The following NELL1 variants were observed in gnomAD, a reference collection of about 807,000 sequenced individuals.
NELL1 encodes the protein neural EGFL like 1.
In NELL1, 76 loss-of-function variants were observed where a neutral mutation model predicts 107.4. The ratio of observed to expected loss-of-function variants is 0.71; its 90% CI spans 0.59 to 0.86. The LOEUF is 0.86. Ranked by LOEUF, NELL1 falls within the 40% of genes least tolerant of loss-of-function variation. NELL1 has a pLI of 0.00. For synonymous variants in NELL1, 353 were observed against 341.2 expected, an observed-to-expected ratio of 1.03 and a Z score of -0.38; for missense variants, 1,024 against 1,005.5, an observed-to-expected ratio of 1.02 and a Z score of -0.25.
intron 13 of NELL1, among the ~76,000 whole-genome samples, chr11:21,156,875 T>A (rs1279820654): frequency 1.3e-5 from 2 of 151,748 alleles, no homozygotes; most frequent in East Asian, 3.9e-4. Flanking sequence ...AGTGGATCAC[T>A]TGAGGCAAGG....
At chr11:21,285,316 T>G (rs1388259260) in intron 14 of NELL1, among the ~76,000 whole-genome samples, 3 of 152,176 alleles carry the variant, frequency 2.0e-5, no homozygotes, top group Non-Finnish European at 4.4e-5. Context: ...GGCACACTGA[T>G]TTTCTCTTTA....
chr11:20,845,824 C>T (rs1848693671), intron 3 of NELL1, among the ~76,000 whole-genome samples: 1 of 152,028 alleles, frequency 6.6e-6, no homozygotes, highest in Admixed American at 6.6e-5. Flanking sequence ...ATTTTACTTC[C>T]TTCTTCACTA....
At chr11:20,779,707 C>A (rs1046004748) in intron 2 of NELL1, among the ~76,000 whole-genome samples, 1 of 152,164 alleles carries the variant, frequency 6.6e-6, no homozygotes, top group African/African-American at 2.4e-5. Flanking sequence ...ATTGTAGAAT[C>A]TAGGTTTCTT....
chr11:21,468,585 G>C (rs1350546069), intron 15 of NELL1, among the ~76,000 whole-genome samples: 1 of 151,850 alleles, frequency 6.6e-6, no homozygotes. Context: ...ATTTTTGTTT[G>C]TCATTTCAAT....
At chr11:20,881,291 A>T (rs915467781) in intron 4 of NELL1, among the ~76,000 whole-genome samples, 2 of 152,170 alleles carry the variant, frequency 1.3e-5, no homozygotes, top group African/African-American at 4.8e-5. Flanking sequence ...GTTCTACCAA[A>T]TTATTTACTG....
At chr11:21,158,704 A>G (rs1478746896) in intron 13 of NELL1, among the ~76,000 whole-genome samples, 1 of 152,108 alleles carries the variant, frequency 6.6e-6, no homozygotes, top group East Asian at 1.9e-4. Context: ...ATTTCATTCA[A>G]AATTTCTCTA....
chr11:21,103,557 T>G (rs1854874309), intron 12 of NELL1, among the ~76,000 whole-genome samples: 1 of 152,184 alleles, frequency 6.6e-6, no homozygotes, highest in South Asian at 2.1e-4. Flanking sequence ...TGCAAAATGC[T>G]TAAAACTATG....
intron 2 of NELL1, among the ~76,000 whole-genome samples, chr11:20,700,736 C>T (rs1024592560): frequency 2.3e-4 from 35 of 152,136 alleles, no homozygotes; most frequent in Middle Eastern, 3.4e-3. Context: ...TCAATTCCCA[C>T]CTCTGAGTAA....
At chr11:21,094,030 T>A (rs1035759288) in intron 12 of NELL1, among the ~76,000 whole-genome samples, 1 of 152,216 alleles carries the variant, frequency 6.6e-6, no homozygotes, top group Non-Finnish European at 1.5e-5. Context: ...AAGTCTCATC[T>A]GAGACAAGAC....
At chr11:21,117,783 A>G (rs1164439351) in intron 13 of NELL1, among the ~76,000 whole-genome samples, 1 of 151,982 alleles carries the variant, frequency 6.6e-6, no homozygotes, top group Non-Finnish European at 1.5e-5. Flanking sequence ...AATCATCAAG[A>G]CAGGGAAAAG....
At chr11:21,266,695 T>G (rs569268129) in intron 14 of NELL1, among the ~76,000 whole-genome samples, 2 of 152,056 alleles carry the variant, frequency 1.3e-5, no homozygotes, top group South Asian at 4.1e-4. Context: ...TTCTGTGCTT[T>G]CTCTACAGTC....
chr11:21,074,677 GTT>G (rs5790158), intron 12 of NELL1, among the ~76,000 whole-genome samples: 1 of 151,306 alleles, frequency 6.6e-6, no homozygotes, highest in African/African-American at 2.4e-5. Flanking sequence ...TTACACATGT[GTT>G]TTTTTTTTAA....
At chr11:21,216,498 G>A (rs1857616673) in intron 13 of NELL1, among the ~76,000 whole-genome samples, 1 of 152,196 alleles carries the variant, frequency 6.6e-6, no homozygotes, top group Non-Finnish European at 1.5e-5. Flanking sequence ...AAGCAGCTGG[G>A]AGAGGGTGCT....
intron 3 of NELL1, among the ~76,000 whole-genome samples, chr11:20,835,896 A>G (rs1848526730): frequency 6.6e-6 from 1 of 152,176 alleles, no homozygotes; most frequent in African/African-American, 2.4e-5. Flanking sequence ...CAACATGAAT[A>G]GTATGATCCA....
intron 13 of NELL1, among the ~76,000 whole-genome samples, chr11:21,177,939 C>A (rs1209718292): frequency 6.6e-6 from 1 of 151,736 alleles, no homozygotes; most frequent in African/African-American, 2.4e-5. Context: ...TATGCAGGTG[C>A]TTTGCTCATT....
At chr11:21,274,837 T>C (rs897531802) in intron 14 of NELL1, among the ~76,000 whole-genome samples, 3 of 152,204 alleles carry the variant, frequency 2.0e-5, no homozygotes, top group African/African-American at 7.2e-5. Context: ...AATAAAGATG[T>C]TCTTGGAAAC....
At chr11:20,997,999 TA>T (rs1394894272) in intron 12 of NELL1, among the ~76,000 whole-genome samples, 1 of 151,982 alleles carries the variant, frequency 6.6e-6, no homozygotes, top group East Asian at 1.9e-4. Flanking sequence ...AAAAAATGAA[TA>T]AAAATAAAAA....
chr11:20,793,311 C>T (rs1469945413), intron 3 of NELL1, among the ~76,000 whole-genome samples: 1 of 151,768 alleles, frequency 6.6e-6, no homozygotes, highest in East Asian at 1.9e-4. Flanking sequence ...ACGTTATAGT[C>T]TCTTTTACTT....
chr11:21,559,051 G>A (rs1856790171), intron 16 of NELL1, among the ~76,000 whole-genome samples: 1 of 152,064 alleles, frequency 6.6e-6, no homozygotes, highest in Non-Finnish European at 1.5e-5. Flanking sequence ...GTTCACTAAT[G>A]AAATGTCTTG....
Sources: gnomAD v4.1 joint callset for allele counts (sites outside exome capture counted in the v4.1 genomes callset) on GRCh38, gnomAD v4.1.1 for gene constraint, MANE v1.5 for transcripts, NCBI Gene and HGNC (gene_info 2026-07-23, HGNC 2026-07-21) for gene names.